Variants in KIAA1328 observed in about 807,000 individuals in gnomAD.
The protein encoded by KIAA1328 is protein hinderin.
KIAA1328 carries 52 observed loss-of-function variants against 68.1 expected under a neutral mutation model. The observed-to-expected ratio is 0.76, with a 90% CI of 0.61 to 0.96. The LOEUF is 0.96. KIAA1328 is among the 40% of genes least tolerant of loss of function. KIAA1328 has a pLI of 0.00. For missense variants in KIAA1328, 641 were observed against 677.6 expected (o/e 0.95, Z 0.60); for synonymous variants, 232 against 239.4 (o/e 0.97, Z 0.28).
At chr18:37,057,652 G>T (rs993395688) in intron 6 of KIAA1328, among the ~76,000 whole-genome samples, 3 of 151,558 alleles carry the variant, frequency 2.0e-5, no homozygotes, top group African/African-American at 4.9e-5. Flanking sequence ...AGCCAGGATG[G>T]TCTCGATCTC....
chr18:37,188,243 G>C (rs957418900), intron 9 of KIAA1328, among the ~76,000 whole-genome samples: 2 of 152,188 alleles, frequency 1.3e-5, no homozygotes, highest in Admixed American at 1.3e-4. Flanking sequence ...TGTGCCTGCT[G>C]TCTTCACAGT....
At chr18:37,108,426 G>C (rs1331953703) in intron 7 of KIAA1328, among the ~76,000 whole-genome samples, 2 of 152,126 alleles carry the variant, frequency 1.3e-5, no homozygotes, top group Non-Finnish European at 1.5e-5. Flanking sequence ...CACTACCAGG[G>C]TGATGGGATC....
intron 4 of KIAA1328, among the ~76,000 whole-genome samples, chr18:36,870,369 T>C (rs182843307): frequency 3.6e-4 from 55 of 152,342 alleles, no homozygotes; most frequent in African/African-American, 1.1e-3. Flanking sequence ...ACGTTAGCTC[T>C]TGAAGAGGCC....
At position 37,067,514 on chromosome 18, in the gene KIAA1328, C is replaced by T. The variant is rs2056383618; in HGVS notation, c.1201C>T (p.Gln401Ter). The change falls in exon 7 of 10, where the codon CAG (glutamine) becomes TAG (stop). Residue 401 changes from glutamine to a stop codon, truncating the protein, a stop_gained. Transcript: ENST00000280020. LOFTEE classifies it high-confidence loss of function. ...QETKLLLKQQ[Q>*]LHQSRLDYNC... ...GACAAAGCTTCTTCTAAAACAGCAG[C>T]AGCTTCACCAGTCTCGACTGGATTA... The T allele has an allele frequency of 6.5e-7, 1 of 1,538,098 alleles. No individual in the cohort carries two copies. The highest frequency in any genetic ancestry group is 8.7e-7 in the Non-Finnish European group (1 of 1,145,682).
intron 9 of KIAA1328, among the ~76,000 whole-genome samples, chr18:37,215,511 G>A (rs2060412096): frequency 6.6e-6 from 1 of 152,196 alleles, no homozygotes; most frequent in Non-Finnish European, 1.5e-5. Flanking sequence ...CTTGATCGTG[G>A]TGGATAAGCT....
chr18:37,133,786 A>C (rs2058580789), intron 7 of KIAA1328, among the ~76,000 whole-genome samples: 1 of 151,916 alleles, frequency 6.6e-6, no homozygotes, highest in African/African-American at 2.4e-5. Context: ...AGCCTCCCAA[A>C]GTGCTGTGAT....
chr18:36,996,105 AAG>A (rs1425031911), intron 6 of KIAA1328, among the ~76,000 whole-genome samples: 1 of 152,198 alleles, frequency 6.6e-6, no homozygotes, highest in Admixed American at 6.5e-5. Flanking sequence ...TAACTTGCCC[AAG>A]GTTACACAGG....
chr18:36,963,584 T>G (rs1460521791), intron 6 of KIAA1328, among the ~76,000 whole-genome samples: 2 of 152,006 alleles, frequency 1.3e-5, no homozygotes, highest in Non-Finnish European at 2.9e-5. Context: ...AGCTAGTGAT[T>G]TCTTGGGGGT....
rs1223127200 is a variant in KIAA1328 at position 37,134,764 on chromosome 18, T to G, written c.1233-25436T>G. On this transcript the variant is annotated intron_variant, in intron 7 of 9. Transcript: ENST00000280020. ...TGTGTAGGTTTGTTTCCTGGGTATA[T>G]CTTGTGATGCTGAGGTTTGGGGTAC... Among the ~76,000 whole-genome samples the G allele has an allele frequency of 2.0e-5, 3 of 152,238 alleles. No individual in the cohort carries two copies. In the East Asian group the frequency reaches 5.8e-4, roughly 29 times the overall value.
intron 6 of KIAA1328, among the ~76,000 whole-genome samples, chr18:37,064,191 T>C (rs1181858134): frequency 6.6e-6 from 1 of 152,200 alleles, no homozygotes; most frequent in Non-Finnish European, 1.5e-5. Flanking sequence ...CAGGATTGCC[T>C]GTGTTCTTTG....
chr18:37,120,848 G>C (rs1195878696), intron 7 of KIAA1328, among the ~76,000 whole-genome samples: 11 of 152,126 alleles, frequency 7.2e-5, no homozygotes, highest in Admixed American at 7.2e-4. Context: ...AGTTTGAAGA[G>C]TTTCTAGAGA....
chr18:37,156,828 C>T (rs1042915017), intron 7 of KIAA1328, among the ~76,000 whole-genome samples: 1 of 152,136 alleles, frequency 6.6e-6, no homozygotes, highest in Non-Finnish European at 1.5e-5. Flanking sequence ...TCATCAGATA[C>T]TTGATCAGGT....
At chr18:37,056,653 CT>C (rs2055920153) in intron 6 of KIAA1328, among the ~76,000 whole-genome samples, 1 of 151,868 alleles carries the variant, frequency 6.6e-6, no homozygotes, top group African/African-American at 2.4e-5. Context: ...AAGACAAATC[CT>C]TTTCTCTTTT....
chr18:36,975,161 A>C (rs1210945959), intron 6 of KIAA1328, among the ~76,000 whole-genome samples: 1 of 151,982 alleles, frequency 6.6e-6, no homozygotes, highest in Non-Finnish European at 1.5e-5. Context: ...TCCAAGGACC[A>C]AAGTACAAGC....
chr18:37,095,848 G>A (rs898314939), intron 7 of KIAA1328, among the ~76,000 whole-genome samples: 6 of 152,154 alleles, frequency 3.9e-5, no homozygotes, highest in African/African-American at 1.4e-4. Context: ...AATCATTAGA[G>A]ACTATTATGA....
At chr18:37,052,375 C>T (rs7237347) in intron 6 of KIAA1328, among the ~76,000 whole-genome samples, 40,659 of 151,794 alleles carry the variant, frequency 0.27, 8,585 homozygotes, top group African/African-American at 0.59. Context: ...ACAAATACAC[C>T]GCAAACATCT....
intron 6 of KIAA1328, among the ~76,000 whole-genome samples, chr18:37,047,365 T>C (rs905329810): frequency 6.6e-6 from 1 of 152,194 alleles, no homozygotes; most frequent in Non-Finnish European, 1.5e-5. Flanking sequence ...ACTTGGCTCA[T>C]TGGCCATCTA....
chr18:37,136,583 G>A (rs1162449312), intron 7 of KIAA1328, among the ~76,000 whole-genome samples: 4 of 152,188 alleles, frequency 2.6e-5, no homozygotes, highest in Non-Finnish European at 5.9e-5. Flanking sequence ...ATCAGTATAT[G>A]TATGTTGGGC....
intron 6 of KIAA1328, among the ~76,000 whole-genome samples, chr18:37,039,818 G>A (rs2055175258): frequency 6.6e-6 from 1 of 152,112 alleles, no homozygotes; most frequent in Non-Finnish European, 1.5e-5. Context: ...GAACTTCACT[G>A]GGTTCTCCAC....
Sources: allele counts gnomAD v4.1 joint callset (sites outside exome capture counted in the v4.1 genomes callset), GRCh38; gene constraint gnomAD v4.1.1; transcripts MANE v1.5; gene names NCBI Gene and HGNC (gene_info 2026-07-23, HGNC 2026-07-21).